Variants in PCDHA4 observed in about 807,000 individuals in gnomAD.
The protein encoded by PCDHA4 is protocadherin alpha-4.
PCDHA4 carries 49 observed loss-of-function variants against 61.4 expected under a neutral mutation model. The observed-to-expected ratio is 0.80, with a 90% CI of 0.63 to 1.01. The LOEUF (loss-of-function observed/expected upper bound fraction) is 1.01, where lower values mean the gene tolerates loss of function less well. Ranked by LOEUF, PCDHA4 falls within the 50% of genes least tolerant of loss-of-function variation. PCDHA4 has a pLI of 0.00. For missense variants in PCDHA4, 1,254 were observed against 1,235.8 expected, an observed-to-expected ratio of 1.01 and a Z score of -0.22; for synonymous variants, 590 against 550.3, an observed-to-expected ratio of 1.07 and a Z score of -1.01.
At chr5:140,882,446 G>T (rs556783584) in intron 1 of PCDHA4, 1 of 1,613,924 alleles carries the variant, frequency 6.2e-7, no homozygotes, top group African/African-American at 1.3e-5. Flanking sequence ...GGCGGAGCTG[G>T]TGCCGCGCCT....
intron 1 of PCDHA4, among the ~76,000 whole-genome samples, chr5:140,888,357 G>C (rs2061799918): frequency 6.6e-6 from 1 of 152,138 alleles, no homozygotes; most frequent in Non-Finnish European, 1.5e-5. Flanking sequence ...ATTGCTACTG[G>C]CATCTAATAA....
chr5:140,981,944 G>A (rs893119825), intron 2 of PCDHA4, among the ~76,000 whole-genome samples: 2 of 152,174 alleles, frequency 1.3e-5, no homozygotes, highest in Non-Finnish European at 2.9e-5. Flanking sequence ...GAAATATAGG[G>A]TGGGTCATCT....
At chr5:140,836,828 T>C (rs1233722756) in intron 1 of PCDHA4, 27 of 957,894 alleles carry the variant, frequency 2.8e-5, no homozygotes, top group Non-Finnish European at 3.7e-5. Flanking sequence ...TCTTTTTTAG[T>C]TGATAGCTTT....
chr5:140,841,872 C>T (rs147561890), intron 1 of PCDHA4: 4 of 1,613,678 alleles, frequency 2.5e-6, no homozygotes, highest in Non-Finnish European at 3.4e-6. Context: ...GATGTGAATT[C>T]AAAGAACGAT....
At chr5:140,905,990 G>A (rs569951946) in intron 1 of PCDHA4, among the ~76,000 whole-genome samples, 5 of 152,280 alleles carry the variant, frequency 3.3e-5, no homozygotes, top group Admixed American at 1.3e-4. Flanking sequence ...GAAAGATGTA[G>A]GCTGGGAGGC....
chr5:140,987,001 G>T (rs2097221434), intron 3 of PCDHA4, among the ~76,000 whole-genome samples: 1 of 152,038 alleles, frequency 6.6e-6, no homozygotes. Context: ...ATCACTTGAG[G>T]TCATGAGTTC....
rs1554262618 is a variant in PCDHA4, at chr5:141,009,958, C to T, written c.*21C>T. On this transcript the variant is annotated 3_prime_UTR_variant, in exon 4 of 4. Transcript: ENST00000530339. The stretch of plus-strand genomic sequence containing the variant: ...AGTGAGGTCCTCAAATGGAAACAAG[C>T]CACTTAGCCAGTTTTTGTAATAATG... 1.3e-6 allele frequency: 2 copies of T among 1,589,012 alleles called. No homozygotes were observed. The highest frequency in any genetic ancestry group is 1.7e-6 in the Non-Finnish European group (2 of 1,171,000).
chr5:140,849,736 ACCGCGAGAGTGTGT>A, intron 1 of PCDHA4: 1 of 1,598,292 alleles, frequency 6.3e-7, no homozygotes, highest in Non-Finnish European at 8.6e-7. Context: ...AGAGCTCTGG[ACCGCGAGAGTGTGT>A]CCGCCTACGA....
rs2150314365 is a variant in PCDHA4 at position 140,841,377 on chromosome 5, T to C, written c.2385+31805T>C. On this transcript the variant is annotated intron_variant, in intron 1 of 3. Transcript: ENST00000530339. ...TCCTGGCGACTACTACTCTTGCTTC[T>C]GCTCCTCGCAGCCTGGAAGGTGGGG... is the stretch of plus-strand genomic sequence containing the variant. 2.2e-5 allele frequency: 35 copies of C among 1,613,546 alleles called. No homozygotes were observed. The South Asian group carries it at 2.3e-4, about 11-fold the overall frequency.
At chr5:140,998,720 A>G (rs1554256437) in intron 3 of PCDHA4, among the ~76,000 whole-genome samples, 1 of 152,092 alleles carries the variant, frequency 6.6e-6, no homozygotes, top group African/African-American at 2.4e-5. Context: ...TTGCACCACC[A>G]CGCTAGGCTA....
chr5:140,969,547 A>C, intron 1 of PCDHA4: 10 of 1,244,334 alleles, frequency 8.0e-6, no homozygotes, highest in Non-Finnish European at 9.8e-6. Flanking sequence ...AGAGGCATGA[A>C]GCCTTGTCCA....
intron 1 of PCDHA4, chr5:140,877,253 T>G (rs2056969600): frequency 1.2e-6 from 2 of 1,613,576 alleles, no homozygotes; most frequent in Non-Finnish European, 8.5e-7. Context: ...GTGGCGAAAG[T>G]GCGCGCGGTG....
Position 140,849,890 on chromosome 5 carries a change from G to A in PCDHA4, c.2385+40318G>A, listed in dbSNP as rs17844330. ...AGTCCGAGTACACGGTGTTCGTGAA[G>A]GAGAACAACCCGCCGGGCTGCCACA... On this transcript the variant is annotated intron_variant, in intron 1 of 3. Transcript: ENST00000530339. 4.5e-4 allele frequency: 715 copies of A among 1,598,648 alleles called. 25 individuals are homozygous for A. In the East Asian group the frequency reaches 0.016, roughly 35 times the overall value.
chr5:140,905,334 C>A (rs2071752505), intron 1 of PCDHA4, among the ~76,000 whole-genome samples: 1 of 152,144 alleles, frequency 6.6e-6, no homozygotes, highest in East Asian at 1.9e-4. Context: ...TGTTGAAGAT[C>A]AGTTGGCTGT....
chr5:140,972,213 C>T (rs1312530794), intron 1 of PCDHA4, among the ~76,000 whole-genome samples: 3 of 151,932 alleles, frequency 2.0e-5, no homozygotes, highest in African/African-American at 7.3e-5. Flanking sequence ...GAATATGGCT[C>T]ACTGCAGCCT....
chr5:140,898,079 C>G (rs1179252797), intron 1 of PCDHA4, among the ~76,000 whole-genome samples: 2 of 151,984 alleles, frequency 1.3e-5, no homozygotes, highest in East Asian at 1.9e-4. Context: ...ATTGTAGATT[C>G]TGGATATTAG....
intron 1 of PCDHA4, chr5:140,877,038 G>T (rs782221827): frequency 2.5e-6 from 4 of 1,612,418 alleles, no homozygotes; most frequent in East Asian, 2.2e-5. Flanking sequence ...CGCTGCAGCC[G>T]CTAGACCACG....
Position 140,807,687 on chromosome 5 carries a change from T to A in PCDHA4, c.500T>A (p.Leu167Gln), listed in dbSNP as rs782423945. 1 of 1,614,228 alleles carries A rather than the reference T, an allele frequency of 6.2e-7. No individual in the cohort carries two copies. Among genetic ancestry groups the A allele is most frequent in the East Asian group, 2.2e-5 (1 of 44,886 alleles). The change falls in exon 1 of 4, where the codon CTG becomes CAG. Residue 167 changes from leucine (L) to glutamine (Q), a missense_variant. Physicochemically the swap from Leu to Gln is moderately radical, Grantham distance 113. Transcript: ENST00000530339. ...GATGCAGATATCGGGGAGAACGCCC[T>A]GCTCACTTACAGACTGAGCCCAAAT... ...ASDADIGENA[L>Q]LTYRLSPNEY...
intron 1 of PCDHA4, chr5:140,817,221 C>T (rs1231658079): frequency 6.6e-6 from 1 of 152,306 alleles, no homozygotes; most frequent in Non-Finnish European, 1.5e-5. Flanking sequence ...CTTTCTCTTT[C>T]CCTTCTCAGG....
Sources: allele counts gnomAD v4.1 joint callset (sites outside exome capture counted in the v4.1 genomes callset), GRCh38; gene constraint gnomAD v4.1.1; transcripts MANE v1.5; gene names NCBI Gene and HGNC (gene_info 2026-07-23, HGNC 2026-07-21).